ARID4A: variants seen among roughly 807,000 people sequenced by gnomAD.
ARID4A encodes AT-rich interaction domain 4A.
A neutral mutation model predicts 148.6 loss-of-function variants in ARID4A; 39 were observed. The observed-to-expected ratio is 0.26, with a 90% CI of 0.20 to 0.34. The LOEUF is 0.34. ARID4A is among the 10% of genes least tolerant of loss of function. The pLI, the probability that ARID4A is intolerant of heterozygous loss-of-function variation, is 1.00. For missense variants in ARID4A, 1,265 were observed against 1,449.1 expected, an observed-to-expected ratio of 0.87 and a Z score of 2.06; for synonymous variants, 475 against 481.2, an observed-to-expected ratio of 0.99 and a Z score of 0.17.
chr14:58,365,364 C>T, intron 20 of ARID4A, 64 bp downstream of exon 20: 1 of 1,511,414 alleles, frequency 6.6e-7, no homozygotes, highest in Non-Finnish European at 8.9e-7. Flanking sequence ...TGTTGAGTTT[C>T]AGGTACTGTT....
chr14:58,309,571 A>G (rs924408386), intron 5 of ARID4A, among the ~76,000 whole-genome samples: 2 of 152,214 alleles, frequency 1.3e-5, no homozygotes, highest in African/African-American at 4.8e-5. Flanking sequence ...AAATGTTACC[A>G]CTAACTCCTG....
chr14:58,307,873 A>T (rs1231740810), intron 5 of ARID4A, among the ~76,000 whole-genome samples: 1 of 152,204 alleles, frequency 6.6e-6, no homozygotes, highest in Non-Finnish European at 1.5e-5. Flanking sequence ...AAGTAAATAC[A>T]TCTTTGCTTT....
chr14:58,328,353 G>GAAA, intron 9 of ARID4A, 37 bp downstream of exon 9: 2 of 1,211,844 alleles, frequency 1.7e-6, no homozygotes, highest in East Asian at 2.7e-5. Context: ...TACGTGGGAG[G>GAAA]AAAAAAAAAA....
chr14:58,345,908 TTAA>T (rs1451821804), intron 12 of ARID4A, among the ~76,000 whole-genome samples: 1 of 151,430 alleles, frequency 6.6e-6, no homozygotes, highest in African/African-American at 2.4e-5. Flanking sequence ...TGTTTTCCTT[TTAA>T]TTTTTGTAGA....
At chr14:58,338,453 C>CA (rs2033940630) in intron 11 of ARID4A, among the ~76,000 whole-genome samples, 1 of 152,190 alleles carries the variant, frequency 6.6e-6, no homozygotes, top group Non-Finnish European at 1.5e-5. Flanking sequence ...TAGCTCCCCA[C>CA]AGTGGAGCTT....
chr14:58,316,692 T>C (rs1244078715), intron 5 of ARID4A, among the ~76,000 whole-genome samples: 1 of 152,084 alleles, frequency 6.6e-6, no homozygotes, highest in East Asian at 1.9e-4. Flanking sequence ...GAGATTCTCC[T>C]GCCTCAGCCT....
intron 5 of ARID4A, among the ~76,000 whole-genome samples, chr14:58,311,044 G>A (rs566687715): frequency 1.6e-4 from 25 of 152,216 alleles, no homozygotes; most frequent in African/African-American, 5.1e-4. Flanking sequence ...TCAGAAGTTC[G>A]AGACCAGCCT....
intron 3 of ARID4A, among the ~76,000 whole-genome samples, chr14:58,302,846 G>A: frequency 6.6e-6 from 1 of 152,098 alleles, no homozygotes; most frequent in East Asian, 1.9e-4. Context: ...TGTGGTCCCA[G>A]CTACTCTGGA....
chr14:58,304,091 A>C (rs188375530), intron 3 of ARID4A, among the ~76,000 whole-genome samples: 9 of 152,198 alleles, frequency 5.9e-5, no homozygotes, highest in Admixed American at 3.9e-4. Context: ...AGAAACATTG[A>C]CTAGAGGAGT....
chr14:58,307,883 T>C (rs2031730805), intron 5 of ARID4A, among the ~76,000 whole-genome samples: 1 of 152,222 alleles, frequency 6.6e-6, no homozygotes, highest in Non-Finnish European at 1.5e-5. Flanking sequence ...ATCTTTGCTT[T>C]ATCAAACTAA....
At chr14:58,360,105 G>A (rs2035072126) in intron 18 of ARID4A, among the ~76,000 whole-genome samples, 1 of 151,524 alleles carries the variant, frequency 6.6e-6, no homozygotes, top group African/African-American at 2.4e-5. Context: ...ACAGATAATT[G>A]TGATTTTCTC....
chr14:58,345,476 G>A (rs1594934121), intron 12 of ARID4A, among the ~76,000 whole-genome samples: 1 of 152,032 alleles, frequency 6.6e-6, no homozygotes, highest in South Asian at 2.1e-4. Context: ...GAGACCAATC[G>A]TTATCTGAAA....
At chr14:58,310,356 C>G (rs891954561) in intron 5 of ARID4A, among the ~76,000 whole-genome samples, 3 of 152,064 alleles carry the variant, frequency 2.0e-5, no homozygotes, top group African/African-American at 4.8e-5. Flanking sequence ...AGACATACCA[C>G]CTGATTTCAA....
At position 58,323,558 on chromosome 14, in the gene ARID4A, C is replaced by G. The variant is rs750902132; in HGVS notation, c.523C>G (p.Leu175Val). The G allele has an allele frequency of 3.1e-6, 5 of 1,614,018 alleles. No individual in the cohort carries two copies. Among genetic ancestry groups the G allele is most frequent in the East Asian group, 2.2e-5 (1 of 44,882 alleles). Residue 175 changes from leucine (L) to valine (V), a missense_variant, in exon 8 of 24, where the codon CTA becomes GTA. Around this residue, in one of 9 missense-constraint regions of ARID4A, gnomAD observed 249 missense variants for 277.2 expected, o/e 0.90. Transcript: ENST00000355431. ...EDKRRLNDELLGKVVSVVSAT... is the reference protein window; with the variant it reads ...EDKRRLNDELVGKVVSVVSAT... ...CAAGCGCCGTCTCAATGATGAATTA[C>G]TAGGAAAAGTTGTAAGTGTGGTGTC...
chr14:58,320,165 CT>C (rs2032774019), intron 7 of ARID4A, among the ~76,000 whole-genome samples: 1 of 151,944 alleles, frequency 6.6e-6, no homozygotes, highest in African/African-American at 2.4e-5. Flanking sequence ...CCAGGATGAT[CT>C]CGATCTCTTG....
chr14:58,320,765 G>T (rs935099031), intron 7 of ARID4A, among the ~76,000 whole-genome samples: 1 of 151,902 alleles, frequency 6.6e-6, no homozygotes, highest in Non-Finnish European at 1.5e-5. Context: ...CCACCACGAC[G>T]CCTGGCTAAT....
At position 58,352,382 on chromosome 14, in the gene ARID4A, T is replaced by A. The variant is rs542722378; in HGVS notation, c.1655+1059T>A. 1.0e-3 allele frequency among the ~76,000 whole-genome samples: 159 copies of A among 152,190 alleles called. 1 individual carries two copies. The highest frequency in any genetic ancestry group is 3.7e-3 in the African/African-American group (155 of 41,526). ...ACTAATTGGAGTTGAGTATAGTGAG[T>A]ATAGAATTTTAAATATTTGGACAAA... On this transcript the variant is annotated intron_variant, in intron 16 of 23. Coordinates refer to ENST00000355431, the MANE Select transcript of ARID4A (RefSeq NM_002892.4).
intron 4 of ARID4A, among the ~76,000 whole-genome samples, chr14:58,305,359 C>CT (rs1208275382): frequency 6.6e-6 from 1 of 152,078 alleles, no homozygotes; most frequent in African/African-American, 2.4e-5. Context: ...AACCATCAAT[C>CT]TTTGGTTGTT....
intron 19 of ARID4A, among the ~76,000 whole-genome samples, chr14:58,361,862 T>A (rs1444720054): frequency 6.6e-6 from 1 of 152,222 alleles, no homozygotes; most frequent in Non-Finnish European, 1.5e-5. Context: ...ATTTTGGATT[T>A]CAGGTTTTTG....
Sources: gnomAD v4.1 joint callset for allele counts (sites outside exome capture counted in the v4.1 genomes callset) on GRCh38, gnomAD v4.1.1 for gene constraint, gnomAD v4.1.1 regional missense constraint, MANE v1.5 for transcripts, NCBI Gene and HGNC (gene_info 2026-07-23, HGNC 2026-07-21) for gene names.